CENPT: variants seen among roughly 807,000 people sequenced by gnomAD.
The protein encoded by CENPT is centromere protein T.
Under a neutral mutation model 59.7 loss-of-function variants are expected in CENPT, and 42 were observed. The observed-to-expected ratio is 0.70, with a 90% CI of 0.55 to 0.91. CENPT has a LOEUF of 0.91. Among genes scored for constraint, CENPT ranks in the 40% least tolerant of loss-of-function variants. CENPT has a pLI of 0.00. For missense variants in CENPT, 716 were observed against 713.4 expected (o/e 1.00, Z -0.04); for synonymous variants, 295 against 289.6 (o/e 1.02, Z -0.19).
chr16:67,847,170 G>A (rs973628346), intron 1 of CENPT: 1 of 152,006 alleles, frequency 6.6e-6, no homozygotes, highest in Non-Finnish European at 1.5e-5. Context: ...GTCCTGTGAG[G>A]CGGCGGCCGG....
At position 67,842,476 on chromosome 16, in the gene CENPT, G is replaced by A; in HGVS notation, c.-492+4925C>T. The A allele has an allele frequency of 3.4e-6, 4 of 1,169,552 alleles. No individual in the cohort carries two copies. The highest frequency in any genetic ancestry group is 1.1e-6 in the Non-Finnish European group (1 of 923,554). 72.4% of individuals were successfully genotyped at this position (1,169,552 alleles called of 1,614,324 possible). On this transcript the variant is annotated intron_variant, in intron 1 of 15. Coordinates refer to ENST00000562787, the MANE Select transcript of CENPT (RefSeq NM_025082.4). This position sits in a 1 kb window ranked among gnomAD's most constrained non-coding sequence, Gnocchi z 4.9. Reference sequence around the variant, plus strand: ...GCCTCGCGCGGCGCCGCCCGTCGAGGGGCGGGCGGCGGCGTAGCCACTGGG... The same window carrying A: ...GCCTCGCGCGGCGCCGCCCGTCGAGAGGCGGGCGGCGGCGTAGCCACTGGG...
intron 1 of CENPT, among the ~76,000 whole-genome samples, chr16:67,839,818 A>G (rs1289097243): frequency 2.6e-5 from 4 of 150,944 alleles, no homozygotes; most frequent in Non-Finnish European, 5.9e-5. Flanking sequence ...AGGTTGCAGT[A>G]AGCCGAGATC....
intron 1 of CENPT, chr16:67,846,666 G>C (rs968475461): frequency 1.0e-4 from 16 of 152,566 alleles, no homozygotes; most frequent in African/African-American, 3.8e-4. Context: ...AGACAACTGA[G>C]CCCTGACCCT....
chr16:67,835,471 C>G (rs2057729770), intron 2 of CENPT, 67 bp downstream of exon 2: 1 of 152,056 alleles, frequency 6.6e-6, no homozygotes, highest in Non-Finnish European at 1.5e-5. Context: ...CAAGACCAGT[C>G]TGGCCAACAT....
intron 11 of CENPT, 132 bp downstream of exon 11, chr16:67,830,258 G>C: frequency 7.8e-7 from 1 of 1,277,010 alleles, no homozygotes; most frequent in Non-Finnish European, 1.1e-6. Context: ...CATGGACTCT[G>C]CTCTTGGATG....
At chr16:67,839,319 G>A (rs1163284804) in intron 1 of CENPT, among the ~76,000 whole-genome samples, 1 of 145,864 alleles carries the variant, frequency 6.9e-6, no homozygotes. Context: ...CTGAAGTGGA[G>A]TTTGCAGTGA....
At chr16:67,833,646 A>C (rs1361373936) in intron 4 of CENPT, 104 bp downstream of exon 4, 3 of 654,288 alleles carry the variant, frequency 4.6e-6, no homozygotes, top group Non-Finnish European at 7.3e-6. Context: ...CTCCTCTCTG[A>C]GACTCAGTTT....
rs1211003747 is a variant in CENPT, at chr16:67,843,879, CTAATG to C, written c.-492+3517_-492+3521del. The C allele has an allele frequency of 1.9e-5, 4 of 213,354 alleles. No individual in the cohort carries two copies. The highest frequency in any genetic ancestry group is 9.4e-5 in the African/African-American group (4 of 42,508). 13.2% of individuals were successfully genotyped at this position (213,354 alleles called of 1,614,324 possible). The stretch of plus-strand genomic sequence containing the variant: ...AAGGTTGGTCAGCAGTCAGACAACT[CTAATG>C]TGTGTAGTGATAAGAGATTCAAGTA... On this transcript the variant is annotated intron_variant, in intron 1 of 15. Transcript: ENST00000562787. This position sits in a 1 kb window ranked among gnomAD's most constrained non-coding sequence, Gnocchi z 5.7.
rs2057746905 is a variant in CENPT at position 67,838,970 on chromosome 16, G to A, written c.-491-3312C>T. 2.6e-5 allele frequency among the ~76,000 whole-genome samples: 4 copies of A among 151,896 alleles called. No individual in the cohort carries two copies. In the South Asian group the frequency reaches 6.2e-4, roughly 24 times the overall value. ...AAAAAAATTTAAGCATGTAATATTGGCCGGGTGCAGTGGCTCACACTTGTA... is the reference window on the plus strand; with the variant it reads ...AAAAAAATTTAAGCATGTAATATTGACCGGGTGCAGTGGCTCACACTTGTA... On this transcript the variant is annotated intron_variant, in intron 1 of 15. Transcript: ENST00000562787.
intron 1 of CENPT, among the ~76,000 whole-genome samples, chr16:67,839,790 C>T (rs1386171230): frequency 6.6e-6 from 1 of 152,056 alleles, no homozygotes; most frequent in Non-Finnish European, 1.5e-5. Flanking sequence ...AGGAGAATCT[C>T]TTGAACCTGG....
At position 67,842,888 on chromosome 16, in the gene CENPT, C is replaced by T; in HGVS notation, c.-492+4513G>A. The stretch of plus-strand genomic sequence containing the variant: ...GCAGCAGCAGCAACAGCAGCAGCAG[C>T]AGCAACAGCAGCAACAGCAGCAGCA... On this transcript the variant is annotated intron_variant, in intron 1 of 15. Transcript: ENST00000562787. The surrounding 1 kb of genome is among the most constrained non-coding windows in gnomAD (Gnocchi z 4.9). 2 of 1,585,854 alleles carry T rather than the reference C, an allele frequency of 1.3e-6. No homozygotes were observed. Among genetic ancestry groups the T allele is most frequent in the Non-Finnish European group, 1.7e-6 (2 of 1,170,094 alleles).
At chr16:67,840,472 C>CTTA (rs1056647145) in intron 1 of CENPT, among the ~76,000 whole-genome samples, 1 of 151,860 alleles carries the variant, frequency 6.6e-6, no homozygotes, top group Non-Finnish European at 1.5e-5. Context: ...GGCCATTATC[C>CTTA]TTAGCAAACT....
rs1356029513 is a variant in CENPT at position 67,829,859 on chromosome 16, G to A, written c.1092C>T (p.His364=). The A allele has an allele frequency of 6.2e-7, 1 of 1,614,080 alleles. No individual in the cohort carries two copies. Among genetic ancestry groups the A allele is most frequent in the Non-Finnish European group, 8.5e-7 (1 of 1,180,036 alleles). ...GPSRVEEAEG[H]TEVTEAEGSQ... ...ATCCCTCTGCTTCTGTCACCTCTGT[G>A]TGTCCCTCAGCCTCTTCTACCCTGC... Residue 364 remains histidine (H), a synonymous_variant, in exon 12 of 16, where the codon CAC becomes CAT. Coordinates refer to ENST00000562787, the MANE Select transcript of CENPT (RefSeq NM_025082.4).
chr16:67,828,900 A>C, intron 13 of CENPT, 57 bp from the exon 14 acceptor site: 1 of 1,516,142 alleles, frequency 6.6e-7, no homozygotes. Flanking sequence ...CTCTTATTCA[A>C]GAGCAAGTCT....
intron 1 of CENPT, among the ~76,000 whole-genome samples, chr16:67,839,290 C>T (rs2057748774): frequency 6.7e-6 from 1 of 148,736 alleles, no homozygotes; most frequent in Non-Finnish European, 1.5e-5. Context: ...GAGGCTGAGG[C>T]AGGAGAATTG....
At chr16:67,844,875 G>A (rs2057786993) in intron 1 of CENPT, among the ~76,000 whole-genome samples, 2 of 151,374 alleles carry the variant, frequency 1.3e-5, no homozygotes, top group African/African-American at 2.4e-5. Context: ...TGCAACCTCT[G>A]CCTCCCAGGT....
At chr16:67,837,544 T>C (rs543610274) in intron 1 of CENPT, among the ~76,000 whole-genome samples, 13 of 151,970 alleles carry the variant, frequency 8.6e-5, no homozygotes, top group Non-Finnish European at 1.5e-4. Context: ...CTGTCTCTAC[T>C]AAAAATACAA....
intron 4 of CENPT, among the ~76,000 whole-genome samples, chr16:67,833,191 T>C (rs1238900698): frequency 6.6e-6 from 1 of 152,242 alleles, no homozygotes; most frequent in African/African-American, 2.4e-5. Context: ...TCCCTGCTCC[T>C]TAGCAAAGCA....
Position 67,831,610 on chromosome 16 carries a change from G to C in CENPT, c.526C>G (p.Pro176Ala), listed in dbSNP as rs2057689449. 2 of 1,613,976 alleles carry C rather than the reference G, an allele frequency of 1.2e-6. No individual in the cohort carries two copies. The highest frequency in any genetic ancestry group is 2.7e-5 in the African/African-American group (2 of 74,898). The change falls in exon 9 of 16, where the codon CCT becomes GCT. Residue 176 changes from proline to alanine, a missense_variant and splice_region_variant. Pro to Ala is a conservative substitution (Grantham distance 27). Coordinates refer to ENST00000562787, the MANE Select transcript of CENPT (RefSeq NM_025082.4). The part of the protein sequence containing the change: ...VDQGLSLSQE[P>A]QGNADASSLT... ...GAAGAGGCATCAGCATTCCCTTGAG[G>C]CTCTGTCAGCAACCGGCAAGAGAAT...
Sources: gnomAD v4.1 joint callset for allele counts (sites outside exome capture counted in the v4.1 genomes callset) on GRCh38, gnomAD v4.1.1 for gene constraint, Gnocchi (gnomAD v3.1) non-coding constraint, MANE v1.5 for transcripts, NCBI Gene and HGNC (gene_info 2026-07-23, HGNC 2026-07-21) for gene names.